SLC24A3: variants seen among roughly 807,000 people sequenced by gnomAD.
The protein encoded by SLC24A3 is solute carrier family 24 member 3, also known as sodium/potassium/calcium exchanger 3.
In SLC24A3, 28 loss-of-function variants were observed where a neutral mutation model predicts 75.8. The ratio of observed to expected loss-of-function variants is 0.37; its 90% confidence interval spans 0.27 to 0.51. The LOEUF is 0.51. Ranked by LOEUF, SLC24A3 falls within the 20% of genes least tolerant of loss-of-function variation. The pLI is 0.94. For missense variants in SLC24A3, 663 were observed against 847.8 expected, an observed-to-expected ratio of 0.78 and a Z score of 2.71; for synonymous variants, 372 against 334.1, an observed-to-expected ratio of 1.11 and a Z score of -1.24.
At chr20:19,437,655 A>C (rs541147745) in intron 2 of SLC24A3, among the ~76,000 whole-genome samples, 8 of 152,282 alleles carry the variant, frequency 5.3e-5, no homozygotes, top group African/African-American at 1.7e-4. Context: ...CCAGGACAGG[A>C]TAATGCTAGT....
intron 14 of SLC24A3, 38 bp downstream of exon 14, chr20:19,696,949 G>A: frequency 1.5e-6 from 1 of 671,254 alleles, no homozygotes; most frequent in South Asian, 1.5e-5. Context: ...GAGGGAGGGA[G>A]GGAGGAGGAG....
chr20:19,342,697 T>C (rs973993224), intron 2 of SLC24A3, among the ~76,000 whole-genome samples: 1 of 152,216 alleles, frequency 6.6e-6, no homozygotes, highest in South Asian at 2.1e-4. Flanking sequence ...TTTAAAGAAA[T>C]GCCAATTCTT....
At chr20:19,642,698 C>G (rs964718789) in intron 6 of SLC24A3, among the ~76,000 whole-genome samples, 1 of 152,202 alleles carries the variant, frequency 6.6e-6, no homozygotes, top group African/African-American at 2.4e-5. Flanking sequence ...TCTTCATTTG[C>G]AAGCTGAAAA....
At chr20:19,529,195 A>G (rs188943852) in intron 3 of SLC24A3, among the ~76,000 whole-genome samples, 4 of 152,262 alleles carry the variant, frequency 2.6e-5, no homozygotes, top group South Asian at 4.2e-4. Flanking sequence ...GTGTGTGTGT[A>G]TATGTATATA....
chr20:19,556,660 T>C lies in SLC24A3; in HGVS notation c.349-23340T>C, dbSNP rs59432816. On this transcript the variant is annotated intron_variant, in intron 3 of 16. Coordinates refer to ENST00000328041, the MANE Select transcript of SLC24A3 (RefSeq NM_020689.4). ...TTAAGTCACTGCTACAAACGGCTTG[T>C]CACAACTGGTTGGGACACTGTTGCC... Among the ~76,000 whole-genome samples the C allele has an allele frequency of 1.7e-3, 260 of 152,128 alleles. 2 individuals are homozygous for C. In the East Asian group the frequency reaches 0.023, roughly 13 times the overall value.
intron 2 of SLC24A3, among the ~76,000 whole-genome samples, chr20:19,314,893 C>T (rs928554465): frequency 4.6e-4 from 70 of 152,330 alleles, no homozygotes; most frequent in South Asian, 4.1e-4. Context: ...GTGTGATTTA[C>T]ACATGGTGTC....
intron 2 of SLC24A3, among the ~76,000 whole-genome samples, chr20:19,297,827 T>A (rs1298234153): frequency 6.6e-6 from 1 of 152,224 alleles, no homozygotes; most frequent in African/African-American, 2.4e-5. Flanking sequence ...GAAAGTAACT[T>A]AACAAGGGCC....
chr20:19,538,898 AAAC>A (rs2030447899), intron 3 of SLC24A3, among the ~76,000 whole-genome samples: 1 of 152,258 alleles, frequency 6.6e-6, no homozygotes, highest in South Asian at 2.1e-4. Flanking sequence ...TGCTGTGTTC[AAAC>A]AACAGAATGC....
intron 2 of SLC24A3, among the ~76,000 whole-genome samples, chr20:19,369,839 T>A (rs78120726): frequency 0.02 from 3,074 of 151,826 alleles, 107 homozygotes; most frequent in African/African-American, 0.069. Context: ...CTTTTTAAAA[T>A]TTTTTTTTGT....
At chr20:19,426,126 T>C (rs1249785605) in intron 2 of SLC24A3, among the ~76,000 whole-genome samples, 3 of 152,226 alleles carry the variant, frequency 2.0e-5, no homozygotes, top group Admixed American at 1.3e-4. Flanking sequence ...AACTTACTAG[T>C]TTATGCCAAT....
chr20:19,397,302 G>A (rs553099555), intron 2 of SLC24A3, among the ~76,000 whole-genome samples: 7 of 152,092 alleles, frequency 4.6e-5, no homozygotes, highest in African/African-American at 1.2e-4. Context: ...CAAGATACAC[G>A]CAATTTGTTG....
chr20:19,474,224 C>T (rs183324825), intron 2 of SLC24A3, among the ~76,000 whole-genome samples: 146 of 152,270 alleles, frequency 9.6e-4, no homozygotes, highest in African/African-American at 1.7e-3. Flanking sequence ...CACAGCAGGA[C>T]GGTGTGCACA....
At chr20:19,236,598 A>G (rs374096208) in intron 1 of SLC24A3, among the ~76,000 whole-genome samples, 3 of 152,110 alleles carry the variant, frequency 2.0e-5, no homozygotes, top group African/African-American at 7.2e-5. Flanking sequence ...CAAAAAAAAT[A>G]TGCAAAAATT....
chr20:19,686,712 G>T (rs989549987), intron 12 of SLC24A3, among the ~76,000 whole-genome samples: 2 of 152,308 alleles, frequency 1.3e-5, no homozygotes, highest in African/African-American at 4.8e-5. Context: ...AGGACAGCAA[G>T]TAAAACTTGA....
At position 19,662,635 on chromosome 20, in the gene SLC24A3, A is replaced by C. The variant is rs80074849; in HGVS notation, c.688-3229A>C. On this transcript the variant is annotated intron_variant, in intron 7 of 16. Coordinates refer to ENST00000328041, the MANE Select transcript of SLC24A3 (RefSeq NM_020689.4). The stretch of plus-strand genomic sequence containing the variant: ...TGCAACTTGTTCTAGTCTAGAAAGA[A>C]ATGATTTCAAGTTTTCTTCTACACT... Among the ~76,000 whole-genome samples, 1,227 of 152,372 alleles carry C rather than the reference A, an allele frequency of 8.1e-3. 20 individuals are homozygous for C. The highest frequency in any genetic ancestry group is 0.028 in the African/African-American group (1,164 of 41,592).
chr20:19,465,206 G>T (rs1227439913), intron 2 of SLC24A3, among the ~76,000 whole-genome samples: 1 of 152,130 alleles, frequency 6.6e-6, no homozygotes, highest in Non-Finnish European at 1.5e-5. Context: ...GCTCTCCTCG[G>T]CTCATTTACA....
chr20:19,419,326 C>T (rs1986876679), intron 2 of SLC24A3, among the ~76,000 whole-genome samples: 1 of 151,890 alleles, frequency 6.6e-6, no homozygotes, highest in South Asian at 2.1e-4. Flanking sequence ...TGCCAAACCC[C>T]CTCTCCTGCT....
chr20:19,392,937 CTCTTA>C (rs1986391238), intron 2 of SLC24A3, among the ~76,000 whole-genome samples: 1 of 152,148 alleles, frequency 6.6e-6, no homozygotes, highest in South Asian at 2.1e-4. Flanking sequence ...GAAAGATCCT[CTCTTA>C]TCTTGTCCAT....
At chr20:19,714,870 C>T (rs1217353807) in intron 15 of SLC24A3, among the ~76,000 whole-genome samples, 3 of 152,204 alleles carry the variant, frequency 2.0e-5, no homozygotes, top group Non-Finnish European at 4.4e-5. Flanking sequence ...AATTTTCCTG[C>T]TAGGAGCTTT....
Sources: allele counts gnomAD v4.1 joint callset (sites outside exome capture counted in the v4.1 genomes callset), GRCh38; gene constraint gnomAD v4.1.1; transcripts MANE v1.5; gene names NCBI Gene and HGNC (gene_info 2026-07-23, HGNC 2026-07-21).